XYLB: variants seen among roughly 807,000 people sequenced by gnomAD.
XYLB encodes xylulokinase.
A neutral mutation model predicts 78.7 loss-of-function variants in XYLB; 62 were observed. The observed-to-expected ratio is 0.79, with a 90% CI of 0.64 to 0.97. XYLB has a LOEUF of 0.97. Ranked by LOEUF, XYLB falls within the 50% of genes least tolerant of loss-of-function variation. The pLI, the probability that XYLB is intolerant of heterozygous loss-of-function variation, is 0.00. For synonymous variants in XYLB, 245 were observed against 247.4 expected (o/e 0.99, Z 0.09); for missense variants, 687 against 676.8 (o/e 1.02, Z -0.17).
At chr3:38,429,028 C>G in the XYLB span, among the ~76,000 whole-genome samples, 1 of 152,182 alleles carries the variant, frequency 6.6e-6, no homozygotes, top group African/African-American at 2.4e-5. Flanking sequence ...CAGGGATTGC[C>G]ACGATTGCAG....
chr3:38,397,029 T>G, intron 16 of XYLB, 43 bp from the exon 17 acceptor site: 4 of 1,599,096 alleles, frequency 2.5e-6, no homozygotes, highest in Non-Finnish European at 3.4e-6. Context: ...GTGTTCCCTC[T>G]GAGGAATGGC....
intron 1 of XYLB, among the ~76,000 whole-genome samples, 174 bp from the exon 2 acceptor site, chr3:38,348,376 C>T (rs1186025793): frequency 6.6e-6 from 1 of 152,158 alleles, no homozygotes; most frequent in Non-Finnish European, 1.5e-5. Flanking sequence ...TTGAGTGTTA[C>T]CCCAGATGAG....
intron 2 of XYLB, among the ~76,000 whole-genome samples, chr3:38,349,178 G>A (rs1229729079): frequency 2.0e-5 from 3 of 152,228 alleles, no homozygotes; most frequent in Non-Finnish European, 4.4e-5. Context: ...CAGGCAGAAG[G>A]AACAACATGT....
At chr3:38,394,699 T>A (rs1332781978) in intron 15 of XYLB, among the ~76,000 whole-genome samples, 4 of 152,194 alleles carry the variant, frequency 2.6e-5, no homozygotes, top group Non-Finnish European at 1.5e-5. Context: ...TTTCTTTGGG[T>A]CAAGAATTTG....
chr3:38,413,105 A>C lies in XYLB; in HGVS notation c.*92A>C, dbSNP rs528157949. The C allele has an allele frequency of 8.4e-6, 11 of 1,301,792 alleles. No individual in the cohort carries two copies. In the African/African-American group the frequency reaches 1.5e-4, roughly 18 times the overall value. The allele number at this position is 1,301,792 out of a possible 1,614,324, so 80.6% of individuals were successfully genotyped here. On this transcript the variant is annotated 3_prime_UTR_variant, in exon 19 of 19. Coordinates refer to ENST00000207870, the MANE Select transcript of XYLB (RefSeq NM_005108.4). ...AGGAGGGATCCACTTCTCTGTTCTG[A>C]ACAGCTCTTCCTGCCCCTACTGACT...
At chr3:38,416,769 G>C (rs1439344838), downstream of XYLB, among the ~76,000 whole-genome samples, 1 of 152,154 alleles carries the variant, frequency 6.6e-6, no homozygotes, top group African/African-American at 2.4e-5. Context: ...TCACAAGGAG[G>C]ATATACTATT....
At chr3:38,374,368 G>A in intron 10 of XYLB, 94 bp from the exon 11 acceptor site, 1 of 1,577,100 alleles carries the variant, frequency 6.3e-7, no homozygotes, top group Non-Finnish European at 8.7e-7. Flanking sequence ...GGGGTTGGAG[G>A]TGGGGGCTCT....
chr3:38,370,216 C>A (rs1266510789), intron 9 of XYLB, 42 bp downstream of exon 9: 1 of 1,311,764 alleles, frequency 7.6e-7, no homozygotes, highest in African/African-American at 1.5e-5. Context: ...TAAGAGCTGG[C>A]AGCTACCAGG....
chr3:38,412,151 C>T, intron 18 of XYLB, among the ~76,000 whole-genome samples: 1 of 152,052 alleles, frequency 6.6e-6, no homozygotes, highest in South Asian at 2.1e-4. Flanking sequence ...CCACCACACC[C>T]AGCTAATTTT....
the XYLB span, among the ~76,000 whole-genome samples, chr3:38,439,419 A>G: frequency 3.3e-5 from 5 of 152,194 alleles, no homozygotes; most frequent in Non-Finnish European, 1.5e-5. Context: ...GCTGCACAGG[A>G]CCTAGAAAGG....
chr3:38,442,616 T>C, the XYLB span, among the ~76,000 whole-genome samples: 1 of 152,080 alleles, frequency 6.6e-6, no homozygotes, highest in Admixed American at 6.6e-5. Context: ...CAACTGGATA[T>C]AGAGGAATTA....
intron 13 of XYLB, 35 bp from the exon 14 acceptor site, chr3:38,376,883 T>C (rs906803824): frequency 6.3e-7 from 1 of 1,582,322 alleles, no homozygotes; most frequent in Admixed American, 1.7e-5. Flanking sequence ...GTTTTTTGAC[T>C]AATGACGGCT....
intron 9 of XYLB, 64 bp downstream of exon 9, chr3:38,370,238 G>GCACACACACACACACACA: frequency 6.1e-6 from 2 of 326,746 alleles, no homozygotes; most frequent in Non-Finnish European, 1.1e-5. Context: ...AAGCACTGTA[G>GCACACACACACACACACA]CGCACACACA....
rs1174840664 is a variant in XYLB at position 38,413,212 on chromosome 3, G to A, written c.*199G>A. ...GATAGGCACTCCTGTCCCTGTGCCC[G>A]TGTGCCCCAGGGCAGGAAAGCATCT... On this transcript the variant is annotated 3_prime_UTR_variant, in exon 19 of 19. Transcript: ENST00000207870. 2.1e-6 allele frequency: 1 copy of A among 475,500 alleles called. No homozygotes were observed. The highest frequency in any genetic ancestry group is 3.6e-6 in the Non-Finnish European group (1 of 277,288). 29.5% of individuals were successfully genotyped at this position (475,500 alleles called of 1,614,324 possible).
intron 2 of XYLB, among the ~76,000 whole-genome samples, chr3:38,359,315 G>A (rs1705844149): frequency 6.6e-6 from 1 of 152,206 alleles, no homozygotes; most frequent in Non-Finnish European, 1.5e-5. Flanking sequence ...GCCCTGGATG[G>A]GCCAGGTGTT....
At chr3:38,419,593 T>TATATATATATATATATATAC (rs1708910407), downstream of XYLB, among the ~76,000 whole-genome samples, 1 of 121,050 alleles carries the variant, frequency 8.3e-6, no homozygotes, top group African/African-American at 2.8e-5. Context: ...TATATATATA[T>TATATATATATATATATATAC]ATATATATAT....
At chr3:38,389,678 G>A (rs2125634279) in intron 15 of XYLB, among the ~76,000 whole-genome samples, 1 of 152,258 alleles carries the variant, frequency 6.6e-6, no homozygotes, top group Non-Finnish European at 1.5e-5. Flanking sequence ...ACCAGTAGTT[G>A]CAGTGTCTTG....
At chr3:38,431,389 C>T in the XYLB span, among the ~76,000 whole-genome samples, 1 of 152,142 alleles carries the variant, frequency 6.6e-6, no homozygotes, top group Non-Finnish European at 1.5e-5. Context: ...GTGATTTTTG[C>T]ACATTGATTT....
chr3:38,428,619 A>G, the XYLB span, among the ~76,000 whole-genome samples: 1 of 152,338 alleles, frequency 6.6e-6, no homozygotes, highest in South Asian at 2.1e-4. Context: ...TCCTGATATT[A>G]CTATAGCCAC....
Sources: gnomAD v4.1 joint callset for allele counts (sites outside exome capture counted in the v4.1 genomes callset) on GRCh38, gnomAD v4.1.1 for gene constraint, MANE v1.5 for transcripts, NCBI Gene and HGNC (gene_info 2026-07-23, HGNC 2026-07-21) for gene names.